Variants in HYKK observed in about 807,000 individuals in gnomAD.
The protein encoded by HYKK is hydroxylysine kinase.
Under a neutral mutation model 29.7 loss-of-function variants are expected in HYKK, and 19 were observed. The observed-to-expected ratio is 0.64, with a 90% CI of 0.45 to 0.94. The LOEUF (loss-of-function observed/expected upper bound fraction) is 0.94. HYKK is among the 40% of genes least tolerant of loss of function. HYKK has a pLI of 0.00. For missense variants in HYKK, 390 were observed against 443.4 expected (o/e 0.88, Z 1.08); for synonymous variants, 152 against 158.1 (o/e 0.96, Z 0.29).
At chr15:78,508,880 C>CAAAAAAAAA (rs71148531) in intron 1 of HYKK, among the ~76,000 whole-genome samples, 10,212 of 55,118 alleles carry the variant, frequency 0.19, 2,099 homozygotes, top group East Asian at 0.32. Flanking sequence ...CCTCTCTCTC[C>CAAAAAAAAA]AAAAAAAAAA....
rs2052349216 is a variant in HYKK, at chr15:78,535,132, T to C, written c.*1462T>C. Reference sequence around the variant, plus strand: ...CATTCAAATACTCAATAGTTATCTTTCTATATATATGAACAGGCATTGATC... The same window carrying C: ...CATTCAAATACTCAATAGTTATCTTCCTATATATATGAACAGGCATTGATC... On this transcript the variant is annotated 3_prime_UTR_variant, in exon 5 of 5. Coordinates refer to ENST00000388988, the MANE Select transcript of HYKK (RefSeq NM_001013619.4). 6.6e-6 allele frequency: 1 copy of C among 152,194 alleles called. No homozygotes were observed. Among genetic ancestry groups the C allele is most frequent in the Admixed American group, 6.5e-5 (1 of 15,274 alleles). The allele number at this position is 152,194 out of a possible 1,614,324, so 9.4% of individuals were successfully genotyped here.
chr15:78,524,810 AAAAC>A (rs935560261), intron 3 of HYKK, among the ~76,000 whole-genome samples: 36 of 152,220 alleles, frequency 2.4e-4, no homozygotes, highest in Non-Finnish European at 4.9e-4. Context: ...CTCTGCCTCA[AAAAC>A]AAACAAACAA....
chr15:78,515,466 T>TC (rs2052121944), intron 3 of HYKK, among the ~76,000 whole-genome samples: 1 of 152,052 alleles, frequency 6.6e-6, no homozygotes, highest in Non-Finnish European at 1.5e-5. Context: ...GCCTGTAGTC[T>TC]CAGCTACTTG....
At chr15:78,516,802 TC>T (rs71148532) in intron 3 of HYKK, among the ~76,000 whole-genome samples, 152,226 of 152,226 alleles carry the variant, frequency 1, 76,113 homozygotes, top group Non-Finnish European at 1. Flanking sequence ...GGAGGATCAC[TC>T]TAAGGCCAGG....
downstream of HYKK, chr15:78,537,305 A>G (rs921756800): frequency 9.0e-6 from 6 of 667,078 alleles, no homozygotes; most frequent in Non-Finnish European, 1.7e-5. Context: ...TTCAGGACCT[A>G]GCACCGTGCC....
downstream of HYKK, chr15:78,537,300 G>A (rs966148603): frequency 1.4e-5 from 9 of 649,190 alleles, no homozygotes; most frequent in Admixed American, 4.5e-5. Context: ...TTACTTTCAG[G>A]ACCTAGCACC....
chr15:78,510,885 TTC>T (rs1245355308), intron 1 of HYKK, among the ~76,000 whole-genome samples: 5 of 152,048 alleles, frequency 3.3e-5, no homozygotes, highest in Non-Finnish European at 5.9e-5. Flanking sequence ...TCTCAGAAAG[TTC>T]TCTCATGCCC....
At position 78,536,426 on chromosome 15, in the gene HYKK, T is replaced by C. The variant is rs1427814302; in HGVS notation, c.*2756T>C. ...AATTTAAGGGACTGTGGTTTTTATCTAGGTTGACCTCTCAAGCTAAAAACT... is the reference window on the plus strand; with the variant it reads ...AATTTAAGGGACTGTGGTTTTTATCCAGGTTGACCTCTCAAGCTAAAAACT... On this transcript the variant is annotated 3_prime_UTR_variant, in exon 5 of 5. Transcript: ENST00000388988. 1 of 152,200 alleles carries C rather than the reference T, an allele frequency of 6.6e-6. No homozygotes were observed. Among genetic ancestry groups the C allele is most frequent in the African/African-American group, 2.4e-5 (1 of 41,440 alleles). 9.4% of individuals were successfully genotyped at this position (152,200 alleles called of 1,614,324 possible).
intron 1 of HYKK, among the ~76,000 whole-genome samples, chr15:78,508,256 T>G (rs1254208954): frequency 6.6e-6 from 1 of 152,188 alleles, no homozygotes; most frequent in Non-Finnish European, 1.5e-5. Flanking sequence ...AGGTCACCCT[T>G]GGTTCACCAT....
chr15:78,513,065 T>C lies in HYKK; in HGVS notation c.-5-19T>C, dbSNP rs1286714118. ...TCATCCTGTGTCCCCTTTCTGTTTG[T>C]TGCTTTTTGTTCCCCTAGACATAAT... On this transcript the variant is annotated intron_variant, in intron 1 of 4. Coordinates refer to ENST00000388988, the MANE Select transcript of HYKK (RefSeq NM_001013619.4). 7.4e-7 allele frequency: 1 copy of C among 1,360,262 alleles called. No individual in the cohort carries two copies. The highest frequency in any genetic ancestry group is 1.0e-6 in the Non-Finnish European group (1 of 964,042). The allele number at this position is 1,360,262 out of a possible 1,614,324, so 84.3% of individuals were successfully genotyped here. A position where few individuals can be genotyped will look rare whatever the true frequency, so the allele number is the denominator to read the frequency against.
intron 2 of HYKK, 100 bp from the exon 3 acceptor site, chr15:78,514,868 T>C: frequency 2.4e-6 from 1 of 421,090 alleles, no homozygotes; most frequent in Non-Finnish European, 3.7e-6. Context: ...GAATAGCTTC[T>C]AATTCTGTTA....
rs1403768585 is a variant in HYKK, at chr15:78,533,666, T to G, written c.1118T>G (p.Met373Arg). 5 of 1,609,108 alleles carry G rather than the reference T, an allele frequency of 3.1e-6. No homozygotes were observed. In the East Asian group the frequency reaches 1.1e-4, roughly 36 times the overall value. ...AAATCCTATGAATCTGGGATCTCCA[T>G]GTGACTGAGATCTCCATGTGACTCA... is the stretch of plus-strand genomic sequence containing the variant. ...TAKSYESGIS[M>R] Residue 373 changes from methionine (M) to arginine (R), a missense_variant, in exon 5 of 5, where the codon ATG becomes AGG. Met to Arg is a moderately conservative substitution (Grantham distance 91, BLOSUM62 -1). Coordinates refer to ENST00000388988, the MANE Select transcript of HYKK (RefSeq NM_001013619.4).
intron 1 of HYKK, among the ~76,000 whole-genome samples, chr15:78,509,663 T>C (rs1477343836): frequency 6.6e-6 from 1 of 152,242 alleles, no homozygotes; most frequent in Non-Finnish European, 1.5e-5. Context: ...GCATTTTGAA[T>C]ACTTACCTTA....
rs2052091261 is a variant in HYKK, at chr15:78,513,148, A to T, written c.60A>T (p.Glu20Asp). The part of the protein sequence containing the change: ...EALSKPTFSE[E>D]QASALVESVF... ...TTAGCAAACCCACTTTCAGTGAGGA[A>T]CAAGCCTCTGCGTTAGTGGAGTCAG... The change falls in exon 2 of 5, where the codon GAA becomes GAT. Residue 20 changes from glutamate to aspartate, a missense_variant. Physicochemically the swap from Glu to Asp is conservative, Grantham distance 45 (BLOSUM62 2). Transcript: ENST00000388988. 6.2e-7 allele frequency: 1 copy of T among 1,614,044 alleles called. No individual in the cohort carries two copies.
chr15:78,528,818 A>G (rs911890928), intron 4 of HYKK: 32 of 979,094 alleles, frequency 3.3e-5, no homozygotes, highest in Non-Finnish European at 3.9e-5. Flanking sequence ...AAAAAAGGGC[A>G]AGGAACTGAA....
intron 4 of HYKK, chr15:78,528,125 A>G (rs1340211435): frequency 6.5e-6 from 1 of 153,070 alleles, no homozygotes; most frequent in African/African-American, 2.4e-5. Flanking sequence ...GGAGTCCCCA[A>G]ACCCCAGGAA....
At chr15:78,516,327 G>A (rs931538578) in intron 3 of HYKK, among the ~76,000 whole-genome samples, 4 of 148,526 alleles carry the variant, frequency 2.7e-5, no homozygotes, top group African/African-American at 9.9e-5. Context: ...GGAGGAGGAA[G>A]AAGAGAAGGG....
chr15:78,520,955 C>T (rs1337577791), intron 3 of HYKK, among the ~76,000 whole-genome samples: 2 of 151,346 alleles, frequency 1.3e-5, no homozygotes, highest in East Asian at 2.0e-4. Context: ...GGCAGCTGGC[C>T]GGGCGGGGGG....
intron 4 of HYKK, among the ~76,000 whole-genome samples, chr15:78,530,992 C>T (rs2052306298): frequency 6.6e-6 from 1 of 152,006 alleles, no homozygotes; most frequent in South Asian, 2.1e-4. Context: ...GCCTCAGCCT[C>T]CCTAGTAGCT....
Sources: gnomAD v4.1 joint callset for allele counts (sites outside exome capture counted in the v4.1 genomes callset) on GRCh38, gnomAD v4.1.1 for gene constraint, MANE v1.5 for transcripts, NCBI Gene and HGNC (gene_info 2026-07-23, HGNC 2026-07-21) for gene names.